LARGE1: variants seen among roughly 807,000 people sequenced by gnomAD.
LARGE1 encodes the protein xylosyl- and glucuronyltransferase LARGE1.
In LARGE1, 43 loss-of-function variants were observed where a neutral mutation model predicts 87.6. That is an observed-to-expected ratio of 0.49 (90% CI 0.38 to 0.63). LARGE1 has a LOEUF of 0.63. Among genes scored for constraint, LARGE1 ranks in the 30% least tolerant of loss-of-function variants. The probability of loss-of-function intolerance (pLI) is 0.00; values close to 1 mark genes in which losing one functional copy is unlikely to be tolerated. For synonymous variants in LARGE1, 434 were observed against 394.6 expected (o/e 1.10, Z -1.18); for missense variants, 802 against 1,000.2 (o/e 0.80, Z 2.67).
chr22:33,386,705 T>G (rs2065335323), intron 7 of LARGE1, among the ~76,000 whole-genome samples: 1 of 132,920 alleles, frequency 7.5e-6, no homozygotes, highest in Non-Finnish European at 1.6e-5. Context: ...TAAACAATGT[T>G]GGGGGGGGTA....
intron 2 of LARGE1, among the ~76,000 whole-genome samples, chr22:33,709,983 A>AC (rs2082683384): frequency 2.7e-5 from 4 of 149,600 alleles, no homozygotes; most frequent in Admixed American, 1.3e-4. Flanking sequence ...TAGGCAGAAA[A>AC]AAAAAAAAAA....
chr22:33,097,291 A>G, the LARGE1 span, among the ~76,000 whole-genome samples: 3 of 152,248 alleles, frequency 2.0e-5, no homozygotes, highest in Non-Finnish European at 4.4e-5. Context: ...GAGGAGAACC[A>G]GGAGAAAGCA....
rs543119197 is a variant in LARGE1 at position 33,574,035 on chromosome 22, C to G, written c.616-9016G>C. 2.0e-4 allele frequency among the ~76,000 whole-genome samples: 30 copies of G among 152,230 alleles called. No individual in the cohort carries two copies. The Middle Eastern group carries it at 0.024, about 121-fold the overall frequency. On this transcript the variant is annotated intron_variant, in intron 5 of 14. Transcript: ENST00000397394. ...TAACATGGCATCATTCCTGCAACAT[C>G]TTATTGGTTATATAGGTAAGTTTAT...
intron 5 of LARGE1, among the ~76,000 whole-genome samples, chr22:33,589,160 C>T (rs186274788): frequency 5.9e-5 from 9 of 152,318 alleles, no homozygotes; most frequent in Admixed American, 1.3e-4. Context: ...GGCTAGGCTG[C>T]AGGGCTCAAT....
intron 5 of LARGE1, among the ~76,000 whole-genome samples, chr22:33,601,727 A>C (rs2079118455): frequency 6.6e-6 from 1 of 152,208 alleles, no homozygotes; most frequent in African/African-American, 2.4e-5. Flanking sequence ...GAAGTCTTCG[A>C]TAGTAGACAT....
rs933708596 is a variant in LARGE1 at position 33,785,081 on chromosome 22, A to G, written c.-82-23523T>C. Among the ~76,000 whole-genome samples the G allele has an allele frequency of 1.9e-4, 26 of 135,790 alleles. 1 individual carries two copies. The highest frequency in any genetic ancestry group is 7.2e-4 in the African/African-American group (26 of 36,280). 89.1% of individuals were successfully genotyped at this position (135,790 alleles called of 152,430 possible). The stretch of plus-strand genomic sequence containing the variant: ...TGTATATAGATATATGTGTATACAT[A>G]CATATGTGTATATACATGTGTATAC... On this transcript the variant is annotated intron_variant, in intron 1 of 14. Coordinates refer to ENST00000397394, the MANE Select transcript of LARGE1 (RefSeq NM_133642.5).
chr22:33,594,395 C>T (rs1215588060), intron 5 of LARGE1, among the ~76,000 whole-genome samples: 1 of 152,138 alleles, frequency 6.6e-6, no homozygotes, highest in African/African-American at 2.4e-5. Context: ...ATCGAAAATA[C>T]CAAATCTCTA....
intron 6 of LARGE1, among the ~76,000 whole-genome samples, chr22:33,525,729 T>C (rs1304567554): frequency 6.6e-6 from 1 of 152,190 alleles, no homozygotes; most frequent in Non-Finnish European, 1.5e-5. Flanking sequence ...CTGCAGGTCT[T>C]GACTCCAAAT....
chr22:33,344,398 T>A (rs945206193), intron 9 of LARGE1, among the ~76,000 whole-genome samples: 1 of 152,100 alleles, frequency 6.6e-6, no homozygotes, highest in Non-Finnish European at 1.5e-5. Context: ...GAGGAAGGTA[T>A]CACAAAACTG....
intron 1 of LARGE1, chr22:33,873,148 G>A (rs1434496465): frequency 6.6e-6 from 1 of 152,338 alleles, no homozygotes; most frequent in African/African-American, 2.4e-5. Context: ...GGCCCGGGAG[G>A]AGGGTGCAGA....
At chr22:33,098,476 C>T in the LARGE1 span, among the ~76,000 whole-genome samples, 2 of 151,842 alleles carry the variant, frequency 1.3e-5, no homozygotes, top group East Asian at 1.9e-4. Context: ...AAAAAATTAG[C>T]GGGGTATGGT....
intron 6 of LARGE1, chr22:33,562,798 A>G (rs962820917): frequency 2.6e-5 from 4 of 152,612 alleles, no homozygotes; most frequent in East Asian, 1.9e-4. Context: ...CAGCTCTACA[A>G]TCTCTGATGA....
intron 6 of LARGE1, among the ~76,000 whole-genome samples, chr22:33,556,256 G>C (rs1163044491): frequency 6.6e-6 from 1 of 152,014 alleles, no homozygotes; most frequent in Non-Finnish European, 1.5e-5. Flanking sequence ...CCTGGCTTCA[G>C]CCCAGGTTTT....
At chr22:33,505,865 T>C (rs537353872) in intron 6 of LARGE1, among the ~76,000 whole-genome samples, 1 of 152,348 alleles carries the variant, frequency 6.6e-6, no homozygotes, top group South Asian at 2.1e-4. Context: ...TAATAAATGA[T>C]GGATCTGACA....
the LARGE1 span, among the ~76,000 whole-genome samples, chr22:33,101,127 G>A: frequency 6.6e-6 from 1 of 152,162 alleles, no homozygotes; most frequent in Non-Finnish European, 1.5e-5. Flanking sequence ...TTACAGGCGT[G>A]AGCCACCATG....
chr22:33,506,858 G>A (rs1236044493), intron 6 of LARGE1, among the ~76,000 whole-genome samples: 6 of 152,150 alleles, frequency 3.9e-5, no homozygotes, highest in African/African-American at 1.2e-4. Context: ...CCGAGATCAC[G>A]CCATTGTACT....
intron 5 of LARGE1, among the ~76,000 whole-genome samples, chr22:33,594,487 C>T (rs998854240): frequency 3.9e-5 from 6 of 152,160 alleles, no homozygotes; most frequent in Non-Finnish European, 8.8e-5. Flanking sequence ...ATTTCCTAAC[C>T]TCATCATAAT....
chr22:33,609,686 GT>G (rs2079372561), intron 4 of LARGE1, among the ~76,000 whole-genome samples: 1 of 152,092 alleles, frequency 6.6e-6, no homozygotes, highest in South Asian at 2.1e-4. Flanking sequence ...CTGTGATACA[GT>G]TTGGATATTT....
the LARGE1 span, among the ~76,000 whole-genome samples, chr22:33,086,373 C>A: frequency 6.6e-6 from 1 of 151,968 alleles, no homozygotes; most frequent in Non-Finnish European, 1.5e-5. Flanking sequence ...AATTTGCAAG[C>A]ATTTTGAGAC....
Sources: allele counts gnomAD v4.1 joint callset (sites outside exome capture counted in the v4.1 genomes callset), GRCh38; gene constraint gnomAD v4.1.1; transcripts MANE v1.5; gene names NCBI Gene and HGNC (gene_info 2026-07-23, HGNC 2026-07-21).